The following PDE8A variants were observed in gnomAD, a reference collection of about 807,000 sequenced individuals.
The protein encoded by PDE8A is high affinity cAMP-specific and IBMX-insensitive 3',5'-cyclic phosphodiesterase 8A.
PDE8A carries 59 observed loss-of-function variants against 105.0 expected under a neutral mutation model. The ratio of observed to expected loss-of-function variants is 0.56; its 90% CI spans 0.46 to 0.70. PDE8A has a LOEUF of 0.70. Ranked by LOEUF, PDE8A falls within the 30% of genes least tolerant of loss-of-function variation. PDE8A has a pLI of 0.00. For synonymous variants in PDE8A, 355 were observed against 371.9 expected, an observed-to-expected ratio of 0.95 and a Z score of 0.52; for missense variants, 1,014 against 1,045.9, an observed-to-expected ratio of 0.97 and a Z score of 0.42.
intron 20 of PDE8A, among the ~76,000 whole-genome samples, chr15:85,134,890 G>T (rs1280691434): frequency 6.6e-6 from 1 of 152,220 alleles, no homozygotes; most frequent in African/African-American, 2.4e-5. Context: ...GCCAGGTGTA[G>T]TAAGGAAGAT....
chr15:85,019,522 C>T (rs766061655), intron 1 of PDE8A, among the ~76,000 whole-genome samples: 5 of 152,092 alleles, frequency 3.3e-5, no homozygotes, highest in Non-Finnish European at 5.9e-5. Flanking sequence ...TACCGAATAG[C>T]TGGCATTACA....
intron 1 of PDE8A, among the ~76,000 whole-genome samples, chr15:85,036,633 C>G (rs1478499772): frequency 6.6e-6 from 1 of 152,068 alleles, no homozygotes; most frequent in Non-Finnish European, 1.5e-5. Flanking sequence ...GCTCATCAGG[C>G]TGAGAGGACT....
At chr15:85,029,957 C>G (rs2080584938) in intron 1 of PDE8A, among the ~76,000 whole-genome samples, 1 of 152,138 alleles carries the variant, frequency 6.6e-6, no homozygotes, top group Non-Finnish European at 1.5e-5. Flanking sequence ...CCCTCAGGTC[C>G]CACTGACCAG....
At chr15:85,080,472 C>G (rs1049058244) in intron 5 of PDE8A, among the ~76,000 whole-genome samples, 6 of 152,286 alleles carry the variant, frequency 3.9e-5, no homozygotes, top group African/African-American at 1.4e-4. Context: ...CTTCCACTTT[C>G]TAGTGAAACT....
chr15:85,034,191 C>T (rs1007644706), intron 1 of PDE8A, among the ~76,000 whole-genome samples: 34 of 152,112 alleles, frequency 2.2e-4, no homozygotes, highest in Middle Eastern at 3.4e-3. Flanking sequence ...TGAGAAACTC[C>T]GTAAGGAAAG....
At chr15:85,054,117 C>G (rs55720132) in intron 1 of PDE8A, among the ~76,000 whole-genome samples, 1 of 152,074 alleles carries the variant, frequency 6.6e-6, no homozygotes, top group Non-Finnish European at 1.5e-5. Flanking sequence ...TGCTGGATTA[C>G]GTTTATTGGT....
intron 1 of PDE8A, among the ~76,000 whole-genome samples, chr15:85,000,702 C>T (rs185951861): frequency 8.5e-5 from 13 of 152,302 alleles, no homozygotes; most frequent in African/African-American, 2.9e-4. Context: ...TGGCTCCTCC[C>T]CACCAGGTCC....
rs59404056 is a variant in PDE8A at position 85,020,847 on chromosome 15, CT to C, written c.186+38500del. On this transcript the variant is annotated intron_variant, in intron 1 of 21. Coordinates refer to ENST00000394553, the MANE Select transcript of PDE8A (RefSeq NM_002605.3). ...TTACATCCCTTCAGTGTGTTAATTC[CT>C]AAAAATAAGGACATTCTCTATTATC... is the stretch of plus-strand genomic sequence containing the variant. Among the ~76,000 whole-genome samples the C allele has an allele frequency of 4.9e-3, 750 of 152,158 alleles. 2 individuals are homozygous for C. Among genetic ancestry groups the C allele is most frequent in the African/African-American group, 0.017 (694 of 41,488 alleles).
chr15:85,057,293 G>C (rs2081076440), intron 1 of PDE8A, among the ~76,000 whole-genome samples: 2 of 152,300 alleles, frequency 1.3e-5, no homozygotes, highest in African/African-American at 4.8e-5. Context: ...TCTGTTCTCA[G>C]ATCTCGAACT....
At position 85,066,583 on chromosome 15, in the gene PDE8A, AACACACACACACACAC is replaced by A. The variant is rs57124766; in HGVS notation, c.244-387_244-372del. On this transcript the variant is annotated intron_variant, in intron 2 of 21. Transcript: ENST00000394553. Reference sequence around the variant, plus strand: ...TGTTGCCCACCCACCATCCCCCCAAAACACACACACACACACACACACACACACACACACACACACA... The same window carrying A: ...TGTTGCCCACCCACCATCCCCCCAAAACACACACACACACACACACACACA... 4.8e-3 allele frequency among the ~76,000 whole-genome samples: 563 copies of A among 117,002 alleles called. 5 individuals carry two copies. Among genetic ancestry groups the A allele is most frequent in the East Asian group, 0.024 (92 of 3,820 alleles). The allele number at this position is 117,002 out of a possible 152,430, so 76.8% of individuals were successfully genotyped here. A position where few individuals can be genotyped will look rare whatever the true frequency, so the allele number is the denominator to read the frequency against.
At chr15:85,127,022 C>T (rs546148334) in intron 20 of PDE8A, among the ~76,000 whole-genome samples, 13 of 152,138 alleles carry the variant, frequency 8.5e-5, no homozygotes, top group South Asian at 4.2e-4. Flanking sequence ...ATGGTGAGAC[C>T]TTGTCTCTAC....
chr15:85,084,409 G>A (rs141020296), intron 6 of PDE8A, among the ~76,000 whole-genome samples: 14 of 152,324 alleles, frequency 9.2e-5, no homozygotes, highest in African/African-American at 3.1e-4. Context: ...TAGCAGAGAA[G>A]TGCTGCTGAG....
intron 3 of PDE8A, among the ~76,000 whole-genome samples, chr15:85,068,767 C>T (rs931211074): frequency 6.6e-6 from 1 of 152,078 alleles, no homozygotes; most frequent in African/African-American, 2.4e-5. Flanking sequence ...CAGGCCCAAG[C>T]CTAGCCACAG....
chr15:85,078,569 A>AAG (rs1555475085), intron 5 of PDE8A, among the ~76,000 whole-genome samples: 1 of 148,950 alleles, frequency 6.7e-6, no homozygotes, highest in South Asian at 2.1e-4. Flanking sequence ...AAAAAAAAAA[A>AAG]AGAAAGAAAA....
intron 11 of PDE8A, among the ~76,000 whole-genome samples, chr15:85,101,227 A>T (rs951838223): frequency 6.6e-6 from 1 of 152,188 alleles, no homozygotes; most frequent in African/African-American, 2.4e-5. Context: ...CACAGTTTTT[A>T]TGGGTGCCCC....
rs28463717 is a variant in PDE8A, at chr15:85,121,259, A to G, written c.1952+245A>G. On this transcript the variant is annotated intron_variant, in intron 18 of 21. Transcript: ENST00000394553. ...AGGGAGACCCTGTCTCTACAAAAGGAAAAAAAAAATTAGCCAGGCTCGGTG... is the reference window on the plus strand; with the variant it reads ...AGGGAGACCCTGTCTCTACAAAAGGGAAAAAAAAATTAGCCAGGCTCGGTG... Among the ~76,000 whole-genome samples the G allele has an allele frequency of 2.1e-4, 31 of 149,706 alleles. No homozygotes were observed. The East Asian group carries it at 6.1e-3, about 29-fold the overall frequency.
chr15:85,103,803 G>T (rs1054812551), intron 11 of PDE8A, among the ~76,000 whole-genome samples: 19 of 152,172 alleles, frequency 1.2e-4, no homozygotes, highest in South Asian at 4.1e-4. Context: ...GGGTGTTGCT[G>T]TTCTCACCAC....
chr15:85,064,543 A>G (rs1424476302), intron 2 of PDE8A, 117 bp downstream of exon 2: 6 of 670,566 alleles, frequency 8.9e-6, no homozygotes, highest in East Asian at 2.7e-5. Context: ...GTTTGGACCA[A>G]TGTTAAATTC....
chr15:85,059,403 C>A (rs564081562), intron 1 of PDE8A, among the ~76,000 whole-genome samples: 51 of 152,290 alleles, frequency 3.3e-4, no homozygotes, highest in African/African-American at 1.2e-3. Context: ...TTGCTTAAGT[C>A]TAGCCATTAT....
Sources: gnomAD v4.1 joint callset for allele counts (sites outside exome capture counted in the v4.1 genomes callset) on GRCh38, gnomAD v4.1.1 for gene constraint, MANE v1.5 for transcripts, NCBI Gene and HGNC (gene_info 2026-07-23, HGNC 2026-07-21) for gene names.